The following FBXO27 variants were observed in gnomAD, a reference collection of about 807,000 sequenced individuals.
FBXO27 encodes the protein F-box protein 27, also known as F-box only protein 27.
A neutral mutation model predicts 28.3 loss-of-function variants in FBXO27; 28 were observed. That is an observed-to-expected ratio of 0.99 (90% CI 0.73 to 1.36). The LOEUF is 1.36. Among genes scored for constraint, FBXO27 ranks in the 40% most tolerant of loss-of-function variants. The pLI, the probability that FBXO27 is intolerant of heterozygous loss-of-function variation, is 0.00. For missense variants in FBXO27, 388 were observed against 394.1 expected, an observed-to-expected ratio of 0.98 and a Z score of 0.13; for synonymous variants, 175 against 167.3, an observed-to-expected ratio of 1.05 and a Z score of -0.36.
intron 4 of FBXO27, among the ~76,000 whole-genome samples, chr19:39,027,366 A>T (rs1320393154): frequency 6.6e-6 from 1 of 152,172 alleles, no homozygotes; most frequent in Non-Finnish European, 1.5e-5. Flanking sequence ...CGATCAATCC[A>T]TCAGGCCTTG....
At chr19:39,020,866 T>C (rs1194786493), downstream of FBXO27, among the ~76,000 whole-genome samples, 3 of 151,998 alleles carry the variant, frequency 2.0e-5, no homozygotes, top group African/African-American at 7.2e-5. Flanking sequence ...ATTTTTTTTT[T>C]TTCCCTGAGA....
intron 5 of FBXO27, among the ~76,000 whole-genome samples, chr19:39,026,517 C>T (rs2072873529): frequency 6.6e-6 from 1 of 152,162 alleles, no homozygotes; most frequent in African/African-American, 2.4e-5. Context: ...CCCCGTCACC[C>T]AGGCTGGAGT....
At chr19:39,008,223 C>T (rs141176656) in intron 2 of FBXO27, among the ~76,000 whole-genome samples, 3,781 of 151,584 alleles carry the variant, frequency 0.025, 90 homozygotes, top group Non-Finnish European at 0.035. Context: ...GGAGATGGTG[C>T]CACTGCACTC....
At chr19:39,011,712 C>A (rs1421351978) in intron 2 of FBXO27, among the ~76,000 whole-genome samples, 1 of 148,834 alleles carries the variant, frequency 6.7e-6, no homozygotes, top group Non-Finnish European at 1.5e-5. Flanking sequence ...GGGGGTCTCC[C>A]TTTGTTGCCC....
intron 2 of FBXO27, among the ~76,000 whole-genome samples, 174 bp downstream of exon 2, chr19:39,031,690 G>GGCTCCCAATGCTGCCCCGCCTCTCCGA (rs2072904903): frequency 8.8e-4 from 94 of 107,398 alleles, no homozygotes; most frequent in South Asian, 2.1e-3. Flanking sequence ...CGCCCCTCCG[G>GGCTCCCAATGCTGCCCCGCCTCTCCGA]CACCTCACAC....
At chr19:39,027,414 A>G (rs1297684409) in intron 4 of FBXO27, among the ~76,000 whole-genome samples, 1 of 152,164 alleles carries the variant, frequency 6.6e-6, no homozygotes, top group African/African-American at 2.4e-5. Context: ...CCGAGGCTCA[A>G]GTGAACTCCC....
At chr19:39,018,141 C>T (rs529237279) in intron 1 of FBXO27, among the ~76,000 whole-genome samples, 1 of 152,236 alleles carries the variant, frequency 6.6e-6, no homozygotes, top group South Asian at 2.1e-4. Flanking sequence ...CCACCATGCC[C>T]AGCTAATTTT....
At chr19:39,009,895 C>T (rs1013343424) in intron 2 of FBXO27, among the ~76,000 whole-genome samples, 2 of 151,924 alleles carry the variant, frequency 1.3e-5, no homozygotes, top group South Asian at 2.1e-4. Flanking sequence ...TTGCAACCTG[C>T]GTCCCCTGGG....
chr19:39,026,665 G>A (rs1398505451), intron 5 of FBXO27, among the ~76,000 whole-genome samples: 2 of 152,062 alleles, frequency 1.3e-5, no homozygotes, highest in Non-Finnish European at 2.9e-5. Context: ...GTAGAGATGG[G>A]GTTTCACCAT....
chr19:39,007,859 C>T (rs1425474442), intron 2 of FBXO27, among the ~76,000 whole-genome samples: 1 of 152,048 alleles, frequency 6.6e-6, no homozygotes, highest in East Asian at 1.9e-4. Context: ...CCCAGGTTGC[C>T]CAGGCTGGGC....
At chr19:39,016,360 G>T (rs1292424824) in intron 1 of FBXO27, among the ~76,000 whole-genome samples, 1 of 112,478 alleles carries the variant, frequency 8.9e-6, no homozygotes, top group Non-Finnish European at 2.0e-5. Flanking sequence ...AGCGGGAAGG[G>T]TGTGTGTGTG....
At position 39,028,209 on chromosome 19, in the gene FBXO27, C is replaced by T. The variant is rs565948346; in HGVS notation, c.573-1204G>A. On this transcript the variant is annotated intron_variant, in intron 4 of 5. Transcript: ENST00000292853. ...TCGCACCATTGCACTCCAGCCTGGG[C>T]GATAGAGGGAGACCCTGTCTCAAAA... Among the ~76,000 whole-genome samples, 169 of 151,618 alleles carry T rather than the reference C, an allele frequency of 1.1e-3. 1 individual carries two copies. The highest frequency in any genetic ancestry group is 3.7e-3 in the African/African-American group (155 of 41,360).
At chr19:39,030,973 G>T in intron 4 of FBXO27, 56 bp downstream of exon 4, 2 of 1,446,368 alleles carry the variant, frequency 1.4e-6, no homozygotes, top group South Asian at 1.1e-5. Context: ...CCATAAAAAG[G>T]CCATGTCACA....
At chr19:39,011,201 A>C (rs2072792349) in intron 2 of FBXO27, among the ~76,000 whole-genome samples, 1 of 152,132 alleles carries the variant, frequency 6.6e-6, no homozygotes, top group Admixed American at 6.6e-5. Flanking sequence ...GAGGCTGAGG[A>C]GGGCGGACCA....
intron 1 of FBXO27, among the ~76,000 whole-genome samples, chr19:39,017,989 T>C (rs2072827545): frequency 6.6e-6 from 1 of 151,480 alleles, no homozygotes; most frequent in Non-Finnish European, 1.5e-5. Flanking sequence ...TTATTAATTA[T>C]TATTTTTTCG....
chr19:39,022,834 G>C (rs2072852019), downstream of FBXO27, among the ~76,000 whole-genome samples: 1 of 151,854 alleles, frequency 6.6e-6, no homozygotes, highest in African/African-American at 2.4e-5. Flanking sequence ...TTTTGCTCTT[G>C]TTGCCCTGGC....
In FBXO27 at chr19:39,025,141, T is replaced by C. The variant is rs893554397; in HGVS notation, c.*270A>G. The C allele has an allele frequency of 1.8e-5, 7 of 382,506 alleles. No homozygotes were observed. The highest frequency in any genetic ancestry group is 8.3e-5 in the Admixed American group (2 of 24,206). The allele number at this position is 382,506 out of a possible 1,614,324, so 23.7% of individuals were successfully genotyped here. On this transcript the variant is annotated 3_prime_UTR_variant, in exon 6 of 6. Coordinates refer to ENST00000292853, the MANE Select transcript of FBXO27 (RefSeq NM_178820.5). The stretch of plus-strand genomic sequence containing the variant: ...CAAGAATTCTTCTCCAGGATGGGCA[T>C]TCCCCCATGCTCACTTGTGGGTTTC...
rs1347066714 is a variant in FBXO27, at chr19:39,031,877, G to C, written c.351C>G (p.Asn117Lys). 6.7e-7 allele frequency: 1 copy of C among 1,486,180 alleles called. No individual in the cohort carries two copies. Among genetic ancestry groups the C allele is most frequent in the Non-Finnish European group, 8.9e-7 (1 of 1,129,294 alleles). 92.1% of individuals were successfully genotyped at this position (1,486,180 alleles called of 1,614,324 possible). ...CCGAGATCCCACCTTGGCCGCAGGG[G>C]TTGCGAATAAGGTTGCGTCCGATGG... The part of the protein sequence containing the change: ...RRPIGRNLIR[N>K]PCGQEGLRKW... The change falls in exon 2 of 6, where the codon AAC becomes AAG. Residue 117 changes from asparagine (N) to lysine (K), a missense_variant. Physicochemically the swap from Asn to Lys is moderately conservative, Grantham distance 94 (BLOSUM62 0). Coordinates refer to ENST00000292853, the MANE Select transcript of FBXO27 (RefSeq NM_178820.5).
Position 39,026,760 on chromosome 19 carries a change from C to T in FBXO27, c.708+110G>A, listed in dbSNP as rs561903066. On this transcript the variant is annotated intron_variant, in intron 5 of 5. Transcript: ENST00000292853. ...GTGCTGGGATTACAGGTGTGAGCCACCGCACCCAGCCAGACTGTCACTGAT... is the reference window on the plus strand; with the variant it reads ...GTGCTGGGATTACAGGTGTGAGCCATCGCACCCAGCCAGACTGTCACTGAT... The T allele has an allele frequency of 4.3e-4, 656 of 1,518,190 alleles. 1 individual carries two copies. Among genetic ancestry groups the T allele is most frequent in the Middle Eastern group, 2.5e-3 (14 of 5,698 alleles). 94.0% of individuals were successfully genotyped at this position (1,518,190 alleles called of 1,614,324 possible).
Sources: allele counts gnomAD v4.1 joint callset (sites outside exome capture counted in the v4.1 genomes callset), GRCh38; gene constraint gnomAD v4.1.1; transcripts MANE v1.5; gene names NCBI Gene and HGNC (gene_info 2026-07-23, HGNC 2026-07-21).